Variants in MYRIP observed in about 807,000 individuals in gnomAD.
MYRIP encodes the protein myosin VIIA and Rab interacting protein.
Under a neutral mutation model 98.0 loss-of-function variants are expected in MYRIP, and 49 were observed. That is an observed-to-expected ratio of 0.50 (90% CI 0.40 to 0.63). The LOEUF (loss-of-function observed/expected upper bound fraction) is 0.63, where lower values mean the gene tolerates loss of function less well. Among genes scored for constraint, MYRIP ranks in the 30% least tolerant of loss-of-function variants. The probability of loss-of-function intolerance (pLI) is 0.00; values close to 1 mark genes in which losing one functional copy is unlikely to be tolerated. For missense variants in MYRIP, 1,004 were observed against 1,058.2 expected (o/e 0.95, Z 0.71); for synonymous variants, 404 against 409.5 (o/e 0.99, Z 0.16).
At position 39,895,942 on chromosome 3, in the gene MYRIP, T is replaced by C. The variant is rs562062864; in HGVS notation, c.-30-4845T>C. Among the ~76,000 whole-genome samples, 1,393 of 151,772 alleles carry C rather than the reference T, an allele frequency of 9.2e-3. 26 individuals carry two copies. Among genetic ancestry groups the C allele is most frequent in the African/African-American group, 0.032 (1,317 of 41,348 alleles). ...GTGTGTGTGTGTGTGTGTGTGCGCG[T>C]GCACGTACGCATATACATGCCTATG... is the stretch of plus-strand genomic sequence containing the variant. On this transcript the variant is annotated intron_variant, in intron 1 of 16. Coordinates refer to ENST00000302541, the MANE Select transcript of MYRIP (RefSeq NM_015460.4).
intron 2 of MYRIP, among the ~76,000 whole-genome samples, chr3:39,903,231 T>G (rs1274111558): frequency 6.6e-6 from 1 of 152,240 alleles, no homozygotes; most frequent in African/African-American, 2.4e-5. Flanking sequence ...GCCTCACCTT[T>G]TTATATTGCT....
chr3:39,882,588 G>C (rs958773370), intron 1 of MYRIP, among the ~76,000 whole-genome samples: 1 of 152,122 alleles, frequency 6.6e-6, no homozygotes, highest in Admixed American at 6.5e-5. Context: ...CAGTGGCTAA[G>C]AGCATGGTCT....
chr3:39,871,913 T>G (rs1175208168), intron 1 of MYRIP, among the ~76,000 whole-genome samples: 1 of 151,970 alleles, frequency 6.6e-6, no homozygotes, highest in Non-Finnish European at 1.5e-5. Context: ...ATAATATATA[T>G]AAAATATATA....
chr3:40,169,399 C>T (rs913792881), intron 7 of MYRIP, among the ~76,000 whole-genome samples: 1 of 152,176 alleles, frequency 6.6e-6, no homozygotes, highest in African/African-American at 2.4e-5. Context: ...GACCTTGGTA[C>T]GGATGGACTC....
Position 39,813,561 on chromosome 3 carries a change from A to T in MYRIP, c.-31+3645A>T, listed in dbSNP as rs565082838. On this transcript the variant is annotated intron_variant, in intron 1 of 16. Transcript: ENST00000302541. ...AAAGTTACACACTCTAAGTTTACAC[A>T]CTATGCAAGCCGGAGTGAAGGTTAA... Among the ~76,000 whole-genome samples, 4 of 152,194 alleles carry T rather than the reference A, an allele frequency of 2.6e-5. No individual in the cohort carries two copies. In the South Asian group the frequency reaches 8.3e-4, roughly 32 times the overall value.
At chr3:40,253,003 T>C (rs2125725927) in intron 16 of MYRIP, among the ~76,000 whole-genome samples, 1 of 152,314 alleles carries the variant, frequency 6.6e-6, no homozygotes, top group South Asian at 2.1e-4. Flanking sequence ...ATTGGACTAA[T>C]CTATTACTTA....
At chr3:39,905,110 A>T (rs917089443) in intron 2 of MYRIP, among the ~76,000 whole-genome samples, 2 of 152,226 alleles carry the variant, frequency 1.3e-5, no homozygotes, top group African/African-American at 4.8e-5. Flanking sequence ...TTTGGGTTTT[A>T]TCTAGATTAC....
intron 3 of MYRIP, among the ~76,000 whole-genome samples, chr3:40,125,371 C>G (rs1292910432): frequency 6.6e-6 from 1 of 152,210 alleles, no homozygotes. Flanking sequence ...GGGTGGGAAG[C>G]ATCCAGCACG....
intron 2 of MYRIP, among the ~76,000 whole-genome samples, chr3:39,964,170 T>C (rs1166281281): frequency 6.6e-6 from 1 of 152,174 alleles, no homozygotes; most frequent in African/African-American, 2.4e-5. Flanking sequence ...TTTCTTTTCT[T>C]TAATTTTTAG....
intron 1 of MYRIP, among the ~76,000 whole-genome samples, chr3:39,891,927 A>G (rs1172398772): frequency 6.7e-6 from 1 of 149,254 alleles, no homozygotes; most frequent in South Asian, 2.1e-4. Flanking sequence ...TTTTGACTTT[A>G]TTTATAATGA....
intron 11 of MYRIP, among the ~76,000 whole-genome samples, chr3:40,227,764 T>C (rs555556276): frequency 1.3e-5 from 2 of 152,186 alleles, no homozygotes; most frequent in East Asian, 3.8e-4. Flanking sequence ...GAAGTGTGCC[T>C]GCAGAGCAGG....
At chr3:39,841,998 C>T (rs116611648) in intron 1 of MYRIP, among the ~76,000 whole-genome samples, 4,870 of 152,250 alleles carry the variant, frequency 0.032, 245 homozygotes, top group African/African-American at 0.11. Flanking sequence ...CTGGGAGATT[C>T]GCTGATCTCT....
chr3:39,973,870 G>A (rs531695037), intron 2 of MYRIP, among the ~76,000 whole-genome samples: 8 of 152,164 alleles, frequency 5.3e-5, no homozygotes, highest in East Asian at 1.9e-4. Flanking sequence ...AAGACGCAAC[G>A]TACCAGAATC....
At position 40,200,074 on chromosome 3, in the gene MYRIP, A is replaced by G. The variant is rs151219163; in HGVS notation, c.1665+9611A>G. Reference sequence around the variant, plus strand: ...CTTCCAAGATAAACTCGTTGCAGAGAACATGTCTAGAAAATGAGACATTTG... The same window carrying G: ...CTTCCAAGATAAACTCGTTGCAGAGGACATGTCTAGAAAATGAGACATTTG... On this transcript the variant is annotated intron_variant, in intron 10 of 16. Coordinates refer to ENST00000302541, the MANE Select transcript of MYRIP (RefSeq NM_015460.4). Among the ~76,000 whole-genome samples, 324 of 108,338 alleles carry G rather than the reference A, an allele frequency of 3.0e-3. 1 individual carries two copies. The highest frequency in any genetic ancestry group is 0.016 in the Middle Eastern group (3 of 182). 71.1% of individuals were successfully genotyped at this position (108,338 alleles called of 152,430 possible). A position where few individuals can be genotyped will look rare whatever the true frequency, so the allele number is the denominator to read the frequency against.
intron 3 of MYRIP, among the ~76,000 whole-genome samples, chr3:40,091,911 G>A (rs955841477): frequency 6.6e-6 from 1 of 152,132 alleles, no homozygotes; most frequent in Non-Finnish European, 1.5e-5. Flanking sequence ...GCCCAAAGAA[G>A]TCTTCATTTT....
intron 1 of MYRIP, among the ~76,000 whole-genome samples, chr3:39,895,258 C>T (rs1943577154): frequency 6.6e-6 from 1 of 151,800 alleles, no homozygotes; most frequent in Non-Finnish European, 1.5e-5. Context: ...GCGATCTCGG[C>T]TTACTGCAAC....
chr3:39,942,578 A>G (rs1944813718), intron 2 of MYRIP, among the ~76,000 whole-genome samples: 1 of 152,144 alleles, frequency 6.6e-6, no homozygotes, highest in South Asian at 2.1e-4. Flanking sequence ...ATTTTGAAAC[A>G]TTCATATAAT....
At chr3:40,097,613 C>T (rs1347448210) in intron 3 of MYRIP, among the ~76,000 whole-genome samples, 2 of 152,164 alleles carry the variant, frequency 1.3e-5, no homozygotes, top group Non-Finnish European at 2.9e-5. Flanking sequence ...AACACCCCCT[C>T]TCCACCTACA....
intron 10 of MYRIP, among the ~76,000 whole-genome samples, chr3:40,192,328 C>CATATATATGTCAT (rs1951249035): frequency 1.1e-4 from 4 of 37,842 alleles, no homozygotes; most frequent in Non-Finnish European, 1.7e-4. Context: ...ATATATATGT[C>CATATATATGTCAT]ATATATATAT....
Sources: gnomAD v4.1 joint callset for allele counts (sites outside exome capture counted in the v4.1 genomes callset) on GRCh38, gnomAD v4.1.1 for gene constraint, MANE v1.5 for transcripts, NCBI Gene and HGNC (gene_info 2026-07-23, HGNC 2026-07-21) for gene names.